The following EP400 variants were observed in gnomAD, a reference collection of about 807,000 sequenced individuals.
EP400 encodes the protein E1A binding protein p400.
A neutral mutation model predicts 354.1 loss-of-function variants in EP400; 105 were observed. The observed-to-expected ratio is 0.30, with a 90% CI of 0.25 to 0.35. EP400 has a LOEUF of 0.35. EP400 is among the 10% of genes least tolerant of loss of function. The probability of loss-of-function intolerance (pLI) is 1.00; values close to 1 mark genes in which losing one functional copy is unlikely to be tolerated. For synonymous variants in EP400, 1,646 were observed against 1,716.9 expected, an observed-to-expected ratio of 0.96 and a Z score of 1.02; for missense variants, 3,280 against 4,121.0, an observed-to-expected ratio of 0.80 and a Z score of 5.59.
At chr12:132,055,601 G>T (rs1565930893) in intron 45 of EP400, among the ~76,000 whole-genome samples, 1 of 133,260 alleles carries the variant, frequency 7.5e-6, no homozygotes. Flanking sequence ...GTGGTATAGG[G>T]GTGTGTGTGA....
intron 24 of EP400, among the ~76,000 whole-genome samples, chr12:132,024,448 C>T (rs979127117): frequency 3.3e-5 from 5 of 152,194 alleles, no homozygotes; most frequent in Non-Finnish European, 7.3e-5. Context: ...TAAAACACCA[C>T]AGGATTAGTA....
intron 30 of EP400, among the ~76,000 whole-genome samples, chr12:132,036,367 C>T (rs965043992): frequency 8.0e-5 from 12 of 150,438 alleles, no homozygotes; most frequent in Admixed American, 2.0e-4. Flanking sequence ...CATGGAACAT[C>T]GTGGAAGGAC....
At position 132,053,429 on chromosome 12, in the gene EP400, G is replaced by A; in HGVS notation, c.7560G>A (p.Gln2520=). The A allele has an allele frequency of 1.6e-6, 2 of 1,247,998 alleles. No individual in the cohort carries two copies. The highest frequency in any genetic ancestry group is 2.1e-6 in the Non-Finnish European group (2 of 966,746). 77.3% of individuals were successfully genotyped at this position (1,247,998 alleles called of 1,614,324 possible). The change falls in exon 43 of 53, where the codon CAG becomes CAA. Residue 2520 remains glutamine (Q), a synonymous_variant. Transcript: ENST00000389561. ...PQPQPPPPPQ[Q]PPPPLPQPQA... is the part of the protein sequence containing the mutation. ...CGCAGCCCCCACCACCCCCGCAGCAGCCACCGCCACCGCTGCCACAACCAC... is the reference window on the plus strand; with the variant it reads ...CGCAGCCCCCACCACCCCCGCAGCAACCACCGCCACCGCTGCCACAACCAC...
In EP400 at chr12:132,007,100, A is replaced by C. The variant is rs146814802; in HGVS notation, c.3304+223A>C. On this transcript the variant is annotated intron_variant, in intron 15 of 52. Transcript: ENST00000389561. ...AATTAGTGAAAATCTAATAAAATAC[A>C]GAGACTCGTCAGGCTATGACTGAAC... 1.1e-4 allele frequency among the ~76,000 whole-genome samples: 17 copies of C among 152,358 alleles called. No homozygotes were observed. In the East Asian group the frequency reaches 3.1e-3, roughly 28 times the overall value.
chr12:132,066,177 C>G (rs1895884486), intron 48 of EP400: 1 of 152,058 alleles, frequency 6.6e-6, no homozygotes, highest in African/African-American at 2.4e-5. Flanking sequence ...TCACGGTGAG[C>G]CACACAGATA....
chr12:132,030,448 A>G (rs1482568787), intron 29 of EP400, among the ~76,000 whole-genome samples: 1 of 152,260 alleles, frequency 6.6e-6, no homozygotes, highest in Non-Finnish European at 1.5e-5. Flanking sequence ...AAAATATGAA[A>G]ACAATTCCAA....
intron 32 of EP400, among the ~76,000 whole-genome samples, chr12:132,041,804 T>C (rs1054301840): frequency 6.6e-6 from 1 of 152,170 alleles, no homozygotes; most frequent in African/African-American, 2.4e-5. Context: ...GATAGTCTCA[T>C]TGTGGTTTAA....
In EP400 at chr12:132,062,548, ACAGCAG is replaced by A. The variant is rs528214697; in HGVS notation, c.8220_8225del (p.Gln2747_Gln2748del). The stretch of plus-strand genomic sequence containing the variant: ...GGCAGCAGCAGCAGCAGCAGCAACA[ACAGCAG>A]CAGCAGCAGCAGCAGCAGCAGCAGC... On this transcript the variant is annotated inframe_deletion, in exon 47 of 53. Transcript: ENST00000389561. 3.1e-3 allele frequency: 4,872 copies of A among 1,564,012 alleles called. 21 individuals are homozygous for A. Among genetic ancestry groups the A allele is most frequent in the African/African-American group, 0.019 (1,362 of 72,840 alleles).
intron 2 of EP400, among the ~76,000 whole-genome samples, chr12:131,975,482 G>C (rs1278819022): frequency 5.3e-5 from 8 of 152,138 alleles, no homozygotes; most frequent in Admixed American, 5.2e-4. Context: ...GTCTTGGGGC[G>C]TGTCTTGAAG....
intron 47 of EP400, among the ~76,000 whole-genome samples, chr12:132,064,259 C>A (rs968763059): frequency 2.0e-5 from 3 of 152,210 alleles, no homozygotes; most frequent in African/African-American, 7.2e-5. Flanking sequence ...AAATCCATTT[C>A]AAAACCAGTT....
At chr12:132,060,952 A>C (rs552898554) in intron 45 of EP400, among the ~76,000 whole-genome samples, 2 of 150,538 alleles carry the variant, frequency 1.3e-5, no homozygotes, top group Admixed American at 6.6e-5. Context: ...CAAAACAAAA[A>C]AAAACAAGGG....
intron 45 of EP400, among the ~76,000 whole-genome samples, chr12:132,060,437 G>A (rs1317256810): frequency 6.6e-6 from 1 of 152,202 alleles, no homozygotes; most frequent in African/African-American, 2.4e-5. Flanking sequence ...AAGGAACCAC[G>A]TCTGCATAAT....
chr12:132,058,644 C>T (rs1895593613), intron 45 of EP400, among the ~76,000 whole-genome samples: 1 of 152,130 alleles, frequency 6.6e-6, no homozygotes, highest in South Asian at 2.1e-4. Flanking sequence ...GCCACCGCGC[C>T]CAGCCTAGAC....
intron 4 of EP400, 81 bp downstream of exon 4, chr12:131,981,677 A>G (rs1892686457): frequency 8.0e-7 from 1 of 1,252,636 alleles, no homozygotes; most frequent in African/African-American, 1.5e-5. Context: ...CCAGACTCAG[A>G]CTTGGGCAGT....
chr12:131,982,604 T>G, intron 5 of EP400, 126 bp downstream of exon 5: 1 of 1,175,028 alleles, frequency 8.5e-7, no homozygotes, highest in Admixed American at 2.8e-5. Context: ...GCTCCCCCAA[T>G]TTAGAACAAT....
chr12:131,967,526 TAAAAAAA>T (rs948291181), intron 2 of EP400, among the ~76,000 whole-genome samples: 7 of 142,762 alleles, frequency 4.9e-5, no homozygotes, highest in Non-Finnish European at 9.3e-5. Flanking sequence ...CATCTCTACT[TAAAAAAA>T]AAAAAAATTA....
intron 39 of EP400, among the ~76,000 whole-genome samples, chr12:132,046,383 T>C (rs1285106165): frequency 6.6e-6 from 1 of 152,074 alleles, no homozygotes. Flanking sequence ...AGGTTTTGGG[T>C]GAATGAAAAG....
intron 39 of EP400, among the ~76,000 whole-genome samples, chr12:132,047,537 A>G (rs1895147897): frequency 6.6e-6 from 1 of 152,194 alleles, no homozygotes; most frequent in Non-Finnish European, 1.5e-5. Context: ...GCAAGCTTTT[A>G]TGAGTGATTT....
At chr12:132,047,506 G>T (rs1472404139) in intron 39 of EP400, among the ~76,000 whole-genome samples, 2 of 152,118 alleles carry the variant, frequency 1.3e-5, no homozygotes, top group African/African-American at 4.8e-5. Flanking sequence ...GTTCCGTGAT[G>T]CCCCCTGAGC....
Sources: gnomAD v4.1 joint callset for allele counts (sites outside exome capture counted in the v4.1 genomes callset) on GRCh38, gnomAD v4.1.1 for gene constraint, MANE v1.5 for transcripts, NCBI Gene and HGNC (gene_info 2026-07-23, HGNC 2026-07-21) for gene names.